PTPRD: variants seen among roughly 807,000 people sequenced by gnomAD.
PTPRD encodes receptor-type tyrosine-protein phosphatase delta.
A neutral mutation model predicts 214.5 loss-of-function variants in PTPRD; 34 were observed. The ratio of observed to expected loss-of-function variants is 0.16; its 90% CI spans 0.12 to 0.21. The LOEUF (loss-of-function observed/expected upper bound fraction) is 0.21. PTPRD is among the 10% of genes least tolerant of loss of function. The pLI is 1.00. For missense variants in PTPRD, 2,545 were observed against 2,398.7 expected (o/e 1.06, Z -1.27); for synonymous variants, 1,128 against 845.7 (o/e 1.33, Z -5.79).
intron 11 of PTPRD, among the ~76,000 whole-genome samples, chr9:8,855,553 G>A (rs960692916): frequency 1.3e-5 from 2 of 152,116 alleles, no homozygotes; most frequent in Admixed American, 6.5e-5. Context: ...ATATTTGAGA[G>A]AGACAGTGTT....
chr9:8,340,235 A>T, intron 42 of PTPRD, 108 bp downstream of exon 42: 4 of 1,288,834 alleles, frequency 3.1e-6, no homozygotes, highest in Non-Finnish European at 4.2e-6. Flanking sequence ...TCCAGAGTGC[A>T]CTGCATTTCA....
intron 5 of PTPRD, among the ~76,000 whole-genome samples, chr9:9,843,135 A>G (rs1452323540): frequency 6.6e-6 from 1 of 152,014 alleles, no homozygotes; most frequent in Non-Finnish European, 1.5e-5. Flanking sequence ...TACAACAGAA[A>G]CCTTATGGCT....
At chr9:8,459,092 C>T (rs1323428925) in intron 33 of PTPRD, among the ~76,000 whole-genome samples, 1 of 151,428 alleles carries the variant, frequency 6.6e-6, no homozygotes, top group Non-Finnish European at 1.5e-5. Flanking sequence ...TTTTAAGAGT[C>T]AAGATAAGAG....
chr9:9,869,133 G>T (rs914510541), intron 5 of PTPRD, among the ~76,000 whole-genome samples: 1 of 152,050 alleles, frequency 6.6e-6, no homozygotes, highest in Non-Finnish European at 1.5e-5. Flanking sequence ...GTAAAATGAG[G>T]ACAGATACTT....
chr9:8,971,639 T>C lies in PTPRD; in HGVS notation c.-104+47058A>G, dbSNP rs12005248. On this transcript the variant is annotated intron_variant, in intron 11 of 45. Transcript: ENST00000381196. ...CAAACTATTGAAGTTTCCTCTTTTG[T>C]AAAATTTGTATGGGGAAATCATCCT... is the stretch of plus-strand genomic sequence containing the variant. 5.2e-3 allele frequency among the ~76,000 whole-genome samples: 788 copies of C among 151,812 alleles called. 3 individuals carry two copies. Among genetic ancestry groups the C allele is most frequent in the African/African-American group, 0.01 (416 of 41,502 alleles).
intron 10 of PTPRD, among the ~76,000 whole-genome samples, chr9:9,164,341 A>G (rs2099897160): frequency 6.6e-6 from 1 of 151,974 alleles, no homozygotes; most frequent in Admixed American, 6.6e-5. Context: ...CTATTTTCAC[A>G]TTGCCTTCCC....
intron 14 of PTPRD, 150 bp downstream of exon 14, chr9:8,633,167 C>A: frequency 2.1e-6 from 2 of 939,658 alleles, no homozygotes; most frequent in South Asian, 1.9e-5. Flanking sequence ...GAGAAGGTAT[C>A]CACTGTCTAA....
intron 12 of PTPRD, among the ~76,000 whole-genome samples, chr9:8,726,022 G>GACAGACAC (rs1555219362): frequency 2.1e-5 from 3 of 140,046 alleles, no homozygotes; most frequent in Non-Finnish European, 4.6e-5. Context: ...CAGACAGACA[G>GACAGACAC]ACAGACACAC....
At chr9:9,890,181 G>T (rs1045923673) in intron 5 of PTPRD, among the ~76,000 whole-genome samples, 1 of 151,834 alleles carries the variant, frequency 6.6e-6, no homozygotes, top group African/African-American at 2.4e-5. Context: ...GTAAATTAAG[G>T]TTACTAAATA....
intron 9 of PTPRD, among the ~76,000 whole-genome samples, chr9:9,360,255 GA>G (rs5896322): frequency 0.25 from 35,665 of 144,044 alleles, 5,391 homozygotes; most frequent in African/African-American, 0.42. Flanking sequence ...TAATAGATGG[GA>G]AAAAAAAAAA....
chr9:9,497,856 T>C (rs184862522), intron 8 of PTPRD, among the ~76,000 whole-genome samples: 49 of 152,310 alleles, frequency 3.2e-4, no homozygotes, highest in Admixed American at 1.8e-3. Flanking sequence ...GTATTGACTT[T>C]GTCAAATATT....
chr9:9,445,472 G>A (rs558513584), intron 8 of PTPRD, among the ~76,000 whole-genome samples: 1 of 152,138 alleles, frequency 6.6e-6, no homozygotes, highest in Admixed American at 6.5e-5. Flanking sequence ...GCTCGGGACT[G>A]GATAATTCAT....
At chr9:8,671,186 A>C (rs369069149) in intron 12 of PTPRD, among the ~76,000 whole-genome samples, 1 of 152,316 alleles carries the variant, frequency 6.6e-6, no homozygotes, top group South Asian at 2.1e-4. Context: ...GAATAACCCA[A>C]AATTTGAACA....
chr9:9,088,342 C>G (rs1009158252), intron 10 of PTPRD, among the ~76,000 whole-genome samples: 1 of 151,562 alleles, frequency 6.6e-6, no homozygotes, highest in Non-Finnish European at 1.5e-5. Flanking sequence ...GGTCCCAGCA[C>G]TTTGGGAGGC....
chr9:9,927,146 G>C (rs966860739), intron 5 of PTPRD, among the ~76,000 whole-genome samples: 2 of 152,028 alleles, frequency 1.3e-5, no homozygotes, highest in Admixed American at 6.6e-5. Flanking sequence ...ATAAAATATT[G>C]AGTATTTCTA....
chr9:9,582,186 T>G (rs1458177522), intron 7 of PTPRD, among the ~76,000 whole-genome samples: 1 of 152,114 alleles, frequency 6.6e-6, no homozygotes, highest in Non-Finnish European at 1.5e-5. Context: ...TCATGACCAC[T>G]TGGAATAAGA....
At chr9:8,938,908 T>A (rs2099014417) in intron 11 of PTPRD, among the ~76,000 whole-genome samples, 2 of 152,218 alleles carry the variant, frequency 1.3e-5, no homozygotes, top group Admixed American at 1.3e-4. Context: ...AATAATTATA[T>A]GCTCAGCATT....
intron 2 of PTPRD, among the ~76,000 whole-genome samples, chr9:10,422,398 G>C (rs2098553877): frequency 6.6e-6 from 1 of 151,904 alleles, no homozygotes; most frequent in Non-Finnish European, 1.5e-5. Flanking sequence ...CATAGGCATG[G>C]GTAAGGTCTT....
chr9:9,276,746 G>C (rs1396920546), intron 9 of PTPRD, among the ~76,000 whole-genome samples: 1 of 151,132 alleles, frequency 6.6e-6, no homozygotes, highest in Non-Finnish European at 1.5e-5. Flanking sequence ...ATTTCTTTAG[G>C]GCATGTTCTC....
Sources: gnomAD v4.1 joint callset for allele counts (sites outside exome capture counted in the v4.1 genomes callset) on GRCh38, gnomAD v4.1.1 for gene constraint, MANE v1.5 for transcripts, NCBI Gene and HGNC (gene_info 2026-07-23, HGNC 2026-07-21) for gene names.